The following CACNA1I variants were observed in gnomAD, a reference collection of about 807,000 sequenced individuals.
CACNA1I encodes the protein calcium voltage-gated channel subunit alpha1 I.
Under a neutral mutation model 201.6 loss-of-function variants are expected in CACNA1I, and 74 were observed. The observed-to-expected ratio is 0.37, with a 90% CI of 0.30 to 0.45. CACNA1I has a LOEUF of 0.45. Among genes scored for constraint, CACNA1I ranks in the 20% least tolerant of loss-of-function variants. CACNA1I has a pLI of 1.00. For missense variants in CACNA1I, 2,346 were observed against 3,138.1 expected (o/e 0.75, Z 6.03); for synonymous variants, 1,431 against 1,345.2 (o/e 1.06, Z -1.40).
chr22:39,677,221 G>T lies in CACNA1I; in HGVS notation c.4855-120G>T. ...ACGTGGACACACAGCCTGGGGGAAT[G>T]TTACAGCTGCTCTGACCCACAGGCT... On this transcript the variant is annotated intron_variant, in intron 29 of 36. Coordinates refer to ENST00000402142, the MANE Select transcript of CACNA1I (RefSeq NM_021096.4). This position sits in a 1 kb window ranked among gnomAD's most constrained non-coding sequence, Gnocchi z 4.8. The T allele has an allele frequency of 1.5e-6, 1 of 659,930 alleles. No homozygotes were observed. 40.9% of individuals were successfully genotyped at this position (659,930 alleles called of 1,614,324 possible).
In CACNA1I at chr22:39,684,628, G is replaced by C; in HGVS notation, c.6027+130G>C. On this transcript the variant is annotated intron_variant, in intron 36 of 36. Transcript: ENST00000402142. The surrounding 1 kb of genome is among the most constrained non-coding windows in gnomAD (Gnocchi z 4.6). ...AGGCCGAGGGCACCACCGTGCAAGGGGGTTTGGGAACGCTGGGGTGACGCT... is the reference window on the plus strand; with the variant it reads ...AGGCCGAGGGCACCACCGTGCAAGGCGGTTTGGGAACGCTGGGGTGACGCT... 1.0e-6 allele frequency: 1 copy of C among 1,000,136 alleles called. No homozygotes were observed. The highest frequency in any genetic ancestry group is 1.5e-5 in the South Asian group (1 of 65,994). 62.0% of individuals were successfully genotyped at this position (1,000,136 alleles called of 1,614,324 possible).
chr22:39,663,010 G>A (rs892302796), intron 18 of CACNA1I, 134 bp downstream of exon 18: 40 of 648,230 alleles, frequency 6.2e-5, no homozygotes, highest in Admixed American at 4.7e-4. Context: ...AGAGGTGGGG[G>A]TCTCCAGGGG....
At chr22:39,675,077 C>T (rs1451380134) in intron 29 of CACNA1I, among the ~76,000 whole-genome samples, 1 of 152,222 alleles carries the variant, frequency 6.6e-6, no homozygotes, top group Non-Finnish European at 1.5e-5. Context: ...GGGCTGCAGG[C>T]TGTGCCGACA....
At chr22:39,579,197 G>A (rs998349160) in intron 1 of CACNA1I, among the ~76,000 whole-genome samples, 1 of 152,226 alleles carries the variant, frequency 6.6e-6, no homozygotes, top group Admixed American at 6.5e-5. Context: ...AGTTCACAGA[G>A]CTCTTCCCCA....
chr22:39,679,666 GC>G, intron 32 of CACNA1I, 55 bp from the exon 33 acceptor site: 1 of 1,499,362 alleles, frequency 6.7e-7, no homozygotes. Flanking sequence ...CCACCCCACA[GC>G]CCCGGGACCC....
At chr22:39,662,725 C>CTG in intron 17 of CACNA1I, 51 bp from the exon 18 acceptor site, 1 of 1,338,622 alleles carries the variant, frequency 7.5e-7, no homozygotes, top group South Asian at 1.3e-5. Flanking sequence ...GGGCGGAGAC[C>CTG]GGCAACCCTG....
intron 4 of CACNA1I, among the ~76,000 whole-genome samples, chr22:39,624,086 CGT>C (rs1269452554): frequency 7.0e-6 from 1 of 142,970 alleles, no homozygotes; most frequent in African/African-American, 2.6e-5. Flanking sequence ...TGTGAGAGCG[CGT>C]GTGTGAAGAG....
chr22:39,608,901 C>A (rs1219662910), intron 3 of CACNA1I, among the ~76,000 whole-genome samples: 13 of 152,170 alleles, frequency 8.5e-5, no homozygotes, highest in Non-Finnish European at 1.9e-4. Context: ...CTTCTCCACC[C>A]TGACTCTTAC....
At chr22:39,605,834 A>C (rs1213592692) in intron 3 of CACNA1I, among the ~76,000 whole-genome samples, 1 of 151,218 alleles carries the variant, frequency 6.6e-6, no homozygotes, top group African/African-American at 2.4e-5. Flanking sequence ...AGGAGGCCTG[A>C]GGGGGTGCAT....
At chr22:39,606,917 G>GAGA (rs1933237207) in intron 3 of CACNA1I, among the ~76,000 whole-genome samples, 1 of 152,212 alleles carries the variant, frequency 6.6e-6, no homozygotes, top group Non-Finnish European at 1.5e-5. Context: ...TCACATTCTT[G>GAGA]CTGAACTTGA....
intron 3 of CACNA1I, among the ~76,000 whole-genome samples, chr22:39,609,405 C>T (rs1332637156): frequency 1.3e-5 from 2 of 152,206 alleles, no homozygotes; most frequent in African/African-American, 4.8e-5. Flanking sequence ...ATCCTGAATC[C>T]GTGTTTTTCT....
chr22:39,603,181 A>G (rs908940368), intron 3 of CACNA1I, among the ~76,000 whole-genome samples: 13 of 150,962 alleles, frequency 8.6e-5, no homozygotes, highest in South Asian at 2.1e-4. Context: ...CATGCTTTCC[A>G]TCATCTCAGA....
chr22:39,634,341 G>A (rs916614007), intron 4 of CACNA1I, among the ~76,000 whole-genome samples: 1 of 152,196 alleles, frequency 6.6e-6, no homozygotes, highest in African/African-American at 2.4e-5. Context: ...ACAATCTAGT[G>A]TAAGTGGAGC....
At chr22:39,679,066 A>G in intron 31 of CACNA1I, 41 bp from the exon 32 acceptor site, 1 of 1,472,746 alleles carries the variant, frequency 6.8e-7, no homozygotes, top group South Asian at 1.3e-5. Context: ...AGCCTCTGGG[A>G]TGTCTCCGTC....
At chr22:39,601,251 C>G (rs1290225396) in intron 3 of CACNA1I, among the ~76,000 whole-genome samples, 1 of 152,224 alleles carries the variant, frequency 6.6e-6, no homozygotes, top group Non-Finnish European at 1.5e-5. Flanking sequence ...TGGCGCCGCC[C>G]TAGCTGCTGG....
chr22:39,668,385 G>T lies in CACNA1I; in HGVS notation c.4194+4G>T. The stretch of plus-strand genomic sequence containing the variant: ...TGCTGTTGCTGTGGACCAGCAGGTG[G>T]GTGTAGCTGGGACCAGGCCAAGCCT... On this transcript the variant is annotated splice_donor_region_variant and intron_variant, in intron 24 of 36. Coordinates refer to ENST00000402142, the MANE Select transcript of CACNA1I (RefSeq NM_021096.4). The T allele has an allele frequency of 1.3e-6, 2 of 1,596,678 alleles. No individual in the cohort carries two copies.
chr22:39,602,068 CT>C, intron 3 of CACNA1I, among the ~76,000 whole-genome samples: 1 of 60,048 alleles, frequency 1.7e-5, no homozygotes, highest in African/African-American at 7.2e-5. Context: ...CCCTCCCTCC[CT>C]TCCTTCCTTC....
intron 3 of CACNA1I, among the ~76,000 whole-genome samples, chr22:39,601,875 TTC>T (rs113562789): frequency 1.7e-4 from 4 of 24,072 alleles, no homozygotes; most frequent in Admixed American, 9.9e-4. Flanking sequence ...CCTTCCTTCC[TTC>T]TCTCTCTTTC....
intron 18 of CACNA1I, among the ~76,000 whole-genome samples, chr22:39,663,488 C>T (rs9607665): frequency 7.9e-5 from 12 of 152,254 alleles, no homozygotes; most frequent in Non-Finnish European, 1.2e-4. Context: ...GGGTAAGCCT[C>T]GAGTGCCAGG....
Sources: gnomAD v4.1 joint callset for allele counts (sites outside exome capture counted in the v4.1 genomes callset) on GRCh38, gnomAD v4.1.1 for gene constraint, Gnocchi (gnomAD v3.1) non-coding constraint, MANE v1.5 for transcripts, NCBI Gene and HGNC (gene_info 2026-07-23, HGNC 2026-07-21) for gene names.